Variants in ZMYM2 observed in about 807,000 individuals in gnomAD.
The protein encoded by ZMYM2 is zinc finger MYM-type containing 2.
ZMYM2 carries 56 observed loss-of-function variants against 162.8 expected under a neutral mutation model. That is an observed-to-expected ratio of 0.34 (90% CI 0.28 to 0.43). The LOEUF is 0.43. ZMYM2 is among the 20% of genes least tolerant of loss of function. ZMYM2 has a pLI of 1.00. For synonymous variants in ZMYM2, 510 were observed against 541.6 expected (o/e 0.94, Z 0.81); for missense variants, 1,275 against 1,621.8 (o/e 0.79, Z 3.67).
chr13:20,003,366 C>T (rs1950524160), intron 4 of ZMYM2, among the ~76,000 whole-genome samples: 1 of 152,130 alleles, frequency 6.6e-6, no homozygotes, highest in African/African-American at 2.4e-5. Flanking sequence ...ACAATACATA[C>T]TTATTTACAT....
chr13:19,991,048 C>CTG lies in ZMYM2; in HGVS notation c.-10-1999_-10-1998dup, dbSNP rs71198947. 1.6e-3 allele frequency among the ~76,000 whole-genome samples: 224 copies of CTG among 141,380 alleles called. 1 individual carries two copies. The highest frequency in any genetic ancestry group is 4.9e-3 in the African/African-American group (192 of 39,242). The allele number at this position is 141,380 out of a possible 152,430, so 92.8% of individuals were successfully genotyped here. A position where few individuals can be genotyped will look rare whatever the true frequency, so the allele number is the denominator to read the frequency against. On this transcript the variant is annotated intron_variant, in intron 2 of 24. Transcript: ENST00000610343. ...TAACTTTGTCCTAGAAATTTTCTCT[C>CTG]TGTGTGTGTGTGTGTGTACGTATGT...
chr13:19,883,608 T>A, the ZMYM2 span, among the ~76,000 whole-genome samples: 1 of 152,220 alleles, frequency 6.6e-6, no homozygotes, highest in Non-Finnish European at 1.5e-5. Context: ...TAGTTTGGGT[T>A]AAAACCAGCT....
At chr13:19,989,734 A>G (rs1489276878) in intron 2 of ZMYM2, among the ~76,000 whole-genome samples, 1 of 152,188 alleles carries the variant, frequency 6.6e-6, no homozygotes, top group Non-Finnish European at 1.5e-5. Flanking sequence ...CTGTTGTGCT[A>G]TCAAATAATA....
the ZMYM2 span, among the ~76,000 whole-genome samples, chr13:19,895,311 GATA>G: frequency 6.6e-6 from 1 of 151,734 alleles, no homozygotes; most frequent in African/African-American, 2.4e-5. Flanking sequence ...TCCAGTTCTG[GATA>G]TATTCCCTGT....
At chr13:20,059,601 A>G in intron 16 of ZMYM2, 39 bp downstream of exon 16, 1 of 927,262 alleles carries the variant, frequency 1.1e-6, no homozygotes, top group Non-Finnish European at 1.8e-6. Context: ...TTTGAGATTT[A>G]GCAGACACAG....
upstream of ZMYM2, among the ~76,000 whole-genome samples, chr13:19,958,251 C>T (rs1229988727): frequency 6.6e-6 from 1 of 152,158 alleles, no homozygotes; most frequent in Non-Finnish European, 1.5e-5. Context: ...ACAGGGAGGG[C>T]GTTGGGGCAT....
At chr13:19,953,680 C>T (rs1483961138), upstream of ZMYM2, among the ~76,000 whole-genome samples, 6 of 27,166 alleles carry the variant, frequency 2.2e-4, no homozygotes, top group Admixed American at 3.4e-3. Context: ...AAGACTCTGT[C>T]TCAAAAAAAA....
At position 20,082,889 on chromosome 13, in the gene ZMYM2, A is replaced by G. The variant is rs1957999114; in HGVS notation, c.3677A>G (p.Tyr1226Cys). ...LNTLFYFNTK[Y>C]FGLKTVEQHL... is the part of the protein sequence containing the mutation. Reference sequence around the variant, plus strand: ...ACACTGTTCTACTTTAACACTAAGTATTTTGGCCTGAAAACAGTGGAACAA... The same window carrying G: ...ACACTGTTCTACTTTAACACTAAGTGTTTTGGCCTGAAAACAGTGGAACAA... Residue 1226 changes from tyrosine (Y) to cysteine (C), a missense_variant, in exon 23 of 25, where the codon TAT becomes TGT. By Grantham distance (194) the Tyr-to-Cys change is radical (BLOSUM62 -2). This residue lies in a region of ZMYM2 where 103 missense variants were observed against 192.2 expected (regional missense o/e 0.54). Coordinates refer to ENST00000610343, the MANE Select transcript of ZMYM2 (RefSeq NM_197968.4). 1.2e-6 allele frequency: 2 copies of G among 1,613,800 alleles called. No homozygotes were observed. The highest frequency in any genetic ancestry group is 1.3e-5 in the African/African-American group (1 of 74,910).
chr13:19,979,071 C>T (rs1957057243), intron 2 of ZMYM2, among the ~76,000 whole-genome samples: 2 of 152,190 alleles, frequency 1.3e-5, no homozygotes, highest in South Asian at 4.2e-4. Flanking sequence ...ATATGTCATC[C>T]CACTGACTTC....
At chr13:20,014,138 A>G (rs2140094678) in intron 6 of ZMYM2, among the ~76,000 whole-genome samples, 1 of 152,138 alleles carries the variant, frequency 6.6e-6, no homozygotes, top group Middle Eastern at 3.4e-3. Flanking sequence ...CAGTGGCGTG[A>G]TCTTGGCTCA....
At chr13:20,004,984 T>A in intron 4 of ZMYM2, 90 bp from the exon 5 acceptor site, 2 of 954,068 alleles carry the variant, frequency 2.1e-6, no homozygotes, top group South Asian at 1.8e-5. Context: ...TTTGCAGGAC[T>A]TAGTCTATAG....
At chr13:19,960,658 C>T (rs1315698460) in intron 2 of ZMYM2, among the ~76,000 whole-genome samples, 3 of 152,156 alleles carry the variant, frequency 2.0e-5, no homozygotes, top group Admixed American at 1.3e-4. Flanking sequence ...TGTTGATCAT[C>T]TTTAACTTAA....
At chr13:19,893,212 C>T in the ZMYM2 span, among the ~76,000 whole-genome samples, 2 of 150,484 alleles carry the variant, frequency 1.3e-5, no homozygotes, top group Non-Finnish European at 1.5e-5. Context: ...GTGGGCCGAT[C>T]ATGAGGTCAG....
chr13:20,074,244 G>GAA (rs1957321668), intron 21 of ZMYM2, among the ~76,000 whole-genome samples: 1 of 151,112 alleles, frequency 6.6e-6, no homozygotes, highest in South Asian at 2.1e-4. Context: ...GTGTGAGAGA[G>GAA]ACAGAGAGAC....
At chr13:19,980,013 G>T (rs1957173876) in intron 2 of ZMYM2, among the ~76,000 whole-genome samples, 1 of 151,220 alleles carries the variant, frequency 6.6e-6, no homozygotes, top group Admixed American at 6.6e-5. Flanking sequence ...TATTTCATCT[G>T]TTTTTTTTAT....
chr13:19,924,878 C>CTTT, the ZMYM2 span, among the ~76,000 whole-genome samples: 4 of 136,774 alleles, frequency 2.9e-5, no homozygotes, highest in African/African-American at 1.1e-4. Flanking sequence ...TTTATTGAAA[C>CTTT]TTTTTTTTTT....
chr13:20,067,587 C>T (rs1486209958), intron 21 of ZMYM2, among the ~76,000 whole-genome samples, 197 bp downstream of exon 21: 2 of 152,120 alleles, frequency 1.3e-5, no homozygotes, highest in East Asian at 3.8e-4. Flanking sequence ...AGTGAATTCA[C>T]ATTATAAGGC....
At chr13:20,040,125 CCCT>C (rs1954109234) in intron 12 of ZMYM2, among the ~76,000 whole-genome samples, 1 of 152,056 alleles carries the variant, frequency 6.6e-6, no homozygotes. Context: ...GAGAAGTCCC[CCCT>C]CCTCAATTTT....
chr13:20,074,235 TGTGAGA>T (rs1566459798), intron 21 of ZMYM2, among the ~76,000 whole-genome samples: 1 of 145,562 alleles, frequency 6.9e-6, no homozygotes, highest in Non-Finnish European at 1.5e-5. Context: ...TGTGTGTGTG[TGTGAGA>T]GAGACAGAGA....
Sources: allele counts gnomAD v4.1 joint callset (sites outside exome capture counted in the v4.1 genomes callset), GRCh38; gene constraint gnomAD v4.1.1; regional missense constraint gnomAD v4.1.1; transcripts MANE v1.5; gene names NCBI Gene and HGNC (gene_info 2026-07-23, HGNC 2026-07-21).